ZFAND1: variants seen among roughly 807,000 people sequenced by gnomAD.
ZFAND1 encodes zinc finger AN1-type containing 1.
Under a neutral mutation model 38.5 loss-of-function variants are expected in ZFAND1, and 40 were observed. That is an observed-to-expected ratio of 1.04 (90% CI 0.81 to 1.35). ZFAND1 has a LOEUF of 1.35. Among genes scored for constraint, ZFAND1 ranks in the 40% most tolerant of loss-of-function variants. The pLI is 0.00. For synonymous variants in ZFAND1, 117 were observed against 103.6 expected (o/e 1.13, Z -0.78); for missense variants, 346 against 316.3 (o/e 1.09, Z -0.71).
chr8:81,707,306 C>A (rs886243286), intron 6 of ZFAND1, among the ~76,000 whole-genome samples: 7 of 152,182 alleles, frequency 4.6e-5, no homozygotes, highest in Non-Finnish European at 1.5e-5. Context: ...GGCAAAGGGG[C>A]CTTCAAATAA....
rs752440955 is a variant in ZFAND1, at chr8:81,714,988, T to C, written c.265A>G (p.Arg89Gly). The part of the protein sequence containing the change: ...CPYCEKNFCL[R>G]HRHQSDHECE... The stretch of plus-strand genomic sequence containing the variant: ...TGAACAGCCTAAGTGATCAATCACC[T>C]CAGGCAAAAATTCTTCTCACAATAA... The change falls in exon 4 of 8, where the codon AGA becomes GGA. Residue 89 changes from arginine (R) to glycine (G), a missense_variant and splice_region_variant. By Grantham distance (125) the Arg-to-Gly change is moderately radical (BLOSUM62 -2). Coordinates refer to ENST00000220669, the MANE Select transcript of ZFAND1 (RefSeq NM_024699.3). 15 of 1,613,908 alleles carry C rather than the reference T, an allele frequency of 9.3e-6. No homozygotes were observed. The highest frequency in any genetic ancestry group is 8.3e-5 in the Admixed American group (5 of 60,010).
intron 3 of ZFAND1, among the ~76,000 whole-genome samples, 173 bp downstream of exon 3, chr8:81,717,076 T>C (rs1808337953): frequency 6.6e-6 from 1 of 152,216 alleles, no homozygotes. Flanking sequence ...TAAAACAATT[T>C]TTCTTTCAAA....
chr8:81,704,209 T>G (rs958164745), intron 6 of ZFAND1, among the ~76,000 whole-genome samples: 1 of 152,164 alleles, frequency 6.6e-6, no homozygotes, highest in African/African-American at 2.4e-5. Flanking sequence ...ATATCTTATC[T>G]GCCCTCTCCT....
Position 81,702,784 on chromosome 8 carries a change from A to C in ZFAND1, c.718T>G (p.Cys240Gly). ...TLETWIAKED[C>G]PLYNGGNIIL... ...ATATTTCCACCATTATATAAAGGAC[A>C]ATCCTCCTTAGCAATCCAGGTTTCC... Residue 240 changes from cysteine (C) to glycine (G), a missense_variant, in exon 8 of 8, where the codon TGT becomes GGT. Coordinates refer to ENST00000220669, the MANE Select transcript of ZFAND1 (RefSeq NM_024699.3). 3 of 1,609,400 alleles carry C rather than the reference A, an allele frequency of 1.9e-6. No individual in the cohort carries two copies. The highest frequency in any genetic ancestry group is 8.5e-7 in the Non-Finnish European group (1 of 1,178,020).
chr8:81,708,533 A>G (rs1326938340), intron 6 of ZFAND1, among the ~76,000 whole-genome samples: 1 of 151,812 alleles, frequency 6.6e-6, no homozygotes, highest in African/African-American at 2.4e-5. Context: ...AAGAAAAATG[A>G]TCAAAGCATA....
intron 6 of ZFAND1, among the ~76,000 whole-genome samples, chr8:81,707,368 G>A (rs1356440709): frequency 6.6e-6 from 1 of 152,186 alleles, no homozygotes; most frequent in Non-Finnish European, 1.5e-5. Context: ...ACATCCTTGT[G>A]GGAAACATGA....
intron 6 of ZFAND1, among the ~76,000 whole-genome samples, chr8:81,705,485 A>G (rs1807949991): frequency 6.6e-6 from 1 of 152,250 alleles, no homozygotes. Flanking sequence ...TCAAAAAATG[A>G]AAATTAAAAA....
At chr8:81,711,820 G>A (rs528298053) in intron 6 of ZFAND1, among the ~76,000 whole-genome samples, 1 of 152,096 alleles carries the variant, frequency 6.6e-6, no homozygotes, top group Admixed American at 6.5e-5. Flanking sequence ...AGATTATCCA[G>A]ATAAAGCAAG....
At chr8:81,717,118 C>A in intron 3 of ZFAND1, 131 bp downstream of exon 3, 2 of 632,858 alleles carry the variant, frequency 3.2e-6, no homozygotes, top group South Asian at 2.7e-5. Context: ...AAGCAAAAGC[C>A]TCTTTACCTA....
rs1401243200 is a variant in ZFAND1 at position 81,701,836 on chromosome 8, ATAG to A, written c.*856_*858del. 1 of 152,254 alleles carries A rather than the reference ATAG, an allele frequency of 6.6e-6. No homozygotes were observed. Among genetic ancestry groups the A allele is most frequent in the Non-Finnish European group, 1.5e-5 (1 of 68,044 alleles). The allele number at this position is 152,254 out of a possible 1,614,324, so 9.4% of individuals were successfully genotyped here. On this transcript the variant is annotated 3_prime_UTR_variant, in exon 8 of 8. Coordinates refer to ENST00000220669, the MANE Select transcript of ZFAND1 (RefSeq NM_024699.3). ...TAGAAATACTTTCCATTCTGTCTAT[ATAG>A]TAGTAGTTTTGGGGGTATAGATAGT...
Position 81,721,270 on chromosome 8 carries a change from C to T in ZFAND1, c.12G>A (p.Leu4=), listed in dbSNP as rs555938526. Residue 4 remains leucine, a synonymous_variant, in exon 1 of 8, where the codon TTG becomes TTA. Coordinates refer to ENST00000220669, the MANE Select transcript of ZFAND1 (RefSeq NM_024699.3). ...CCACCTGGCAGTGCTGCCCGATGTC[C>T]AACTCCGCCATCTCTCCGGCGCCGT... MAE[L]DIGQHCQVEH... The T allele has an allele frequency of 5.2e-6, 8 of 1,549,096 alleles. No homozygotes were observed. The East Asian group carries it at 1.2e-4, about 24-fold the overall frequency.
In ZFAND1 at chr8:81,710,845, T is replaced by C. The variant is rs146426801; in HGVS notation, c.480+3073A>G. Among the ~76,000 whole-genome samples the C allele has an allele frequency of 4.2e-3, 634 of 152,236 alleles. 7 individuals are homozygous for C. Among genetic ancestry groups the C allele is most frequent in the African/African-American group, 0.015 (617 of 41,550 alleles). ...AACTATTAGAGTTATATAAAAAAATTAGCAAAAACACATCCATAGTAGGAG... is the reference window on the plus strand; with the variant it reads ...AACTATTAGAGTTATATAAAAAAATCAGCAAAAACACATCCATAGTAGGAG... On this transcript the variant is annotated intron_variant, in intron 6 of 7. Coordinates refer to ENST00000220669, the MANE Select transcript of ZFAND1 (RefSeq NM_024699.3).
At chr8:81,717,533 C>T (rs906060840) in intron 2 of ZFAND1, among the ~76,000 whole-genome samples, 4 of 152,062 alleles carry the variant, frequency 2.6e-5, no homozygotes, top group East Asian at 1.9e-4. Flanking sequence ...ATTACGTTTA[C>T]GTTGCATGAA....
chr8:81,706,889 A>C lies in ZFAND1; in HGVS notation c.481-3765T>G, dbSNP rs1348121128. ...AAATATTCTGTTCTCAACCTAAACA[A>C]AAACCGTAAAATAAGTAGCAATGAA... On this transcript the variant is annotated intron_variant, in intron 6 of 7. Transcript: ENST00000220669. 3.9e-5 allele frequency among the ~76,000 whole-genome samples: 6 copies of C among 152,198 alleles called. No individual in the cohort carries two copies. The East Asian group carries it at 1.2e-3, about 29-fold the overall frequency.
chr8:81,716,128 T>G (rs1320308020), intron 3 of ZFAND1, among the ~76,000 whole-genome samples: 1 of 152,242 alleles, frequency 6.6e-6, no homozygotes, highest in Non-Finnish European at 1.5e-5. Context: ...TCATGTAACT[T>G]TAATAACTTT....
intron 6 of ZFAND1, among the ~76,000 whole-genome samples, chr8:81,710,107 C>T (rs1808095707): frequency 6.6e-6 from 1 of 152,200 alleles, no homozygotes; most frequent in African/African-American, 2.4e-5. Context: ...AGGAATTTAA[C>T]AGCATCTCTG....
intron 5 of ZFAND1, 58 bp downstream of exon 5, chr8:81,714,746 T>C (rs1808247541): frequency 2.0e-6 from 3 of 1,473,524 alleles, no homozygotes; most frequent in African/African-American, 2.8e-5. Flanking sequence ...AAAGTAGATA[T>C]AAGAAGCAGG....
intron 6 of ZFAND1, among the ~76,000 whole-genome samples, chr8:81,710,140 T>C (rs144543822): frequency 4.0e-4 from 61 of 152,288 alleles, no homozygotes; most frequent in Non-Finnish European, 6.9e-4. Flanking sequence ...TAAATACCAG[T>C]AGCACCCCAT....
Position 81,704,538 on chromosome 8 carries a change from CAA to C in ZFAND1, c.481-1416_481-1415del, listed in dbSNP as rs58216047. Among the ~76,000 whole-genome samples, 428 of 105,284 alleles carry C rather than the reference CAA, an allele frequency of 4.1e-3. 1 individual carries two copies. Among genetic ancestry groups the C allele is most frequent in the African/African-American group, 9.9e-3 (277 of 27,912 alleles). 69.1% of individuals were successfully genotyped at this position (105,284 alleles called of 152,430 possible). Reference sequence around the variant, plus strand: ...AGGGCAACACAGTAAGACCCTATTTCAAAAAAAAAAAAAAAAAAAAAGCAGGA... The same window carrying C: ...AGGGCAACACAGTAAGACCCTATTTCAAAAAAAAAAAAAAAAAAAGCAGGA... On this transcript the variant is annotated intron_variant, in intron 6 of 7. Coordinates refer to ENST00000220669, the MANE Select transcript of ZFAND1 (RefSeq NM_024699.3).
Sources: allele counts gnomAD v4.1 joint callset (sites outside exome capture counted in the v4.1 genomes callset), GRCh38; gene constraint gnomAD v4.1.1; transcripts MANE v1.5; gene names NCBI Gene and HGNC (gene_info 2026-07-23, HGNC 2026-07-21).